Variants in LPP observed in about 807,000 individuals in gnomAD.
The protein encoded by LPP is LIM domain containing preferred translocation partner in lipoma, also known as lipoma-preferred partner.
A neutral mutation model predicts 60.4 loss-of-function variants in LPP; 38 were observed. The ratio of observed to expected loss-of-function variants is 0.63; its 90% CI spans 0.49 to 0.83. LPP has a LOEUF of 0.83. Ranked by LOEUF, LPP falls within the 40% of genes least tolerant of loss-of-function variation. The probability of loss-of-function intolerance (pLI) is 0.00; values close to 1 mark genes in which losing one functional copy is unlikely to be tolerated. For missense variants in LPP, 902 were observed against 783.6 expected (o/e 1.15, Z -1.80); for synonymous variants, 328 against 290.8 (o/e 1.13, Z -1.30).
intron 4 of LPP, among the ~76,000 whole-genome samples, chr3:188,422,690 T>C (rs1788119081): frequency 1.3e-5 from 2 of 152,164 alleles, no homozygotes; most frequent in Non-Finnish European, 2.9e-5. Context: ...CAGAGCTACA[T>C]AGTGTAACGA....
At position 188,447,603 on chromosome 3, in the gene LPP, G is replaced by GTC. The variant is rs1795534637; in HGVS notation, c.194-36989_194-36988insTC. On this transcript the variant is annotated intron_variant, in intron 4 of 11. Coordinates refer to ENST00000617246, the MANE Select transcript of LPP (RefSeq NM_001375462.1). Reference sequence around the variant, plus strand: ...CCAGCCTGGGCGACAGAGTGAGACTGCCTCAAAAAAAAAAAAAAAAAAAAA... The same window carrying GTC: ...CCAGCCTGGGCGACAGAGTGAGACTGTCCCTCAAAAAAAAAAAAAAAAAAAAA... 7.5e-5 allele frequency among the ~76,000 whole-genome samples: 5 copies of GTC among 66,562 alleles called. 1 individual carries two copies. The allele number at this position is 66,562 out of a possible 152,430, so 43.7% of individuals were successfully genotyped here.
rs1464642794 is a variant in LPP at position 188,225,461 on chromosome 3, C to T, written c.-133C>T. Reference sequence around the variant, plus strand: ...AAGACAGAACCTGGTCTTCTGATTCCCTGTGTTCTGCTTTTTTCATTGTTC... The same window carrying T: ...AAGACAGAACCTGGTCTTCTGATTCTCTGTGTTCTGCTTTTTTCATTGTTC... On this transcript the variant is annotated 5_prime_UTR_variant, in exon 2 of 12. Coordinates refer to ENST00000617246, the MANE Select transcript of LPP (RefSeq NM_001375462.1). The T allele has an allele frequency of 6.6e-6, 1 of 152,130 alleles. No homozygotes were observed. Among genetic ancestry groups the T allele is most frequent in the African/African-American group, 2.4e-5 (1 of 41,422 alleles). The allele number at this position is 152,130 out of a possible 1,614,324, so 9.4% of individuals were successfully genotyped here.
intron 9 of LPP, among the ~76,000 whole-genome samples, chr3:188,785,692 C>T (rs200992307): frequency 2.0e-5 from 3 of 151,298 alleles, no homozygotes; most frequent in Admixed American, 1.3e-4. Context: ...GTATCTTTTT[C>T]GTATGACTTC....
chr3:188,840,669 C>A (rs1236573655), intron 9 of LPP, among the ~76,000 whole-genome samples: 1 of 152,058 alleles, frequency 6.6e-6, no homozygotes, highest in Non-Finnish European at 1.5e-5. Flanking sequence ...TGACTAATTT[C>A]TTTTTAATTT....
chr3:188,781,434 C>G lies in LPP; in HGVS notation c.1410+21152C>G, dbSNP rs534684716. 9.2e-5 allele frequency among the ~76,000 whole-genome samples: 14 copies of G among 152,196 alleles called. No homozygotes were observed. The South Asian group carries it at 2.5e-3, about 27-fold the overall frequency. On this transcript the variant is annotated intron_variant, in intron 9 of 11. Coordinates refer to ENST00000617246, the MANE Select transcript of LPP (RefSeq NM_001375462.1). Reference sequence around the variant, plus strand: ...CACTGTGAGGAAGAAATACCTGATACTGGGCAATTATAAAGAAAAGAGGTT... The same window carrying G: ...CACTGTGAGGAAGAAATACCTGATAGTGGGCAATTATAAAGAAAAGAGGTT...
chr3:188,361,550 T>TCCTCTCCTCTCCTCC, intron 3 of LPP, among the ~76,000 whole-genome samples: 1 of 75,988 alleles, frequency 1.3e-5, no homozygotes, highest in Non-Finnish European at 2.8e-5. Context: ...TCCTCCCCTC[T>TCCTCTCCTCTCCTCC]CCTCTCCTCT....
Position 188,884,303 on chromosome 3 carries a change from G to A in LPP, c.*9824G>A, listed in dbSNP as rs1770408801. On this transcript the variant is annotated 3_prime_UTR_variant, in exon 12 of 12. Transcript: ENST00000617246. ...TCCAGTGCTGTCTCCAAGTAGCCAC[G>A]CTCACAGCTGAGAACACCTTAGAGG... is the stretch of plus-strand genomic sequence containing the variant. 2 of 230,358 alleles carry A rather than the reference G, an allele frequency of 8.7e-6. No homozygotes were observed. The highest frequency in any genetic ancestry group is 1.2e-4 in the East Asian group (2 of 16,210). The allele number at this position is 230,358 out of a possible 1,614,324, so 14.3% of individuals were successfully genotyped here. A position where few individuals can be genotyped will look rare whatever the true frequency, so the allele number is the denominator to read the frequency against.
intron 3 of LPP, among the ~76,000 whole-genome samples, chr3:188,403,941 A>G (rs182590726): frequency 6.6e-6 from 1 of 152,180 alleles, no homozygotes; most frequent in Non-Finnish European, 1.5e-5. Flanking sequence ...GGGGAAAGAA[A>G]AAGAAAAGAA....
chr3:188,651,525 G>A (rs752729796), intron 7 of LPP, among the ~76,000 whole-genome samples: 2 of 152,132 alleles, frequency 1.3e-5, no homozygotes, highest in Non-Finnish European at 2.9e-5. Context: ...CCGTTTTCAC[G>A]CTGCTGATAA....
intron 7 of LPP, among the ~76,000 whole-genome samples, chr3:188,637,361 A>T (rs1252909038): frequency 6.6e-6 from 1 of 152,260 alleles, no homozygotes; most frequent in South Asian, 2.1e-4. Flanking sequence ...CGCATTCAAA[A>T]CAGTGTGTAG....
At chr3:188,295,136 G>A (rs1048811639) in intron 2 of LPP, among the ~76,000 whole-genome samples, 15 of 152,176 alleles carry the variant, frequency 9.9e-5, no homozygotes, top group African/African-American at 3.1e-4. Flanking sequence ...TGAACGGTTC[G>A]TACACAAACA....
chr3:188,706,813 C>T (rs1000232527), intron 7 of LPP, among the ~76,000 whole-genome samples: 1 of 152,164 alleles, frequency 6.6e-6, no homozygotes, highest in Non-Finnish European at 1.5e-5. Flanking sequence ...TTTAACAATG[C>T]ATAAATATCA....
At chr3:188,714,723 C>A (rs937806979) in intron 8 of LPP, among the ~76,000 whole-genome samples, 4 of 152,044 alleles carry the variant, frequency 2.6e-5, no homozygotes, top group African/African-American at 7.2e-5. Context: ...CATGATAAAG[C>A]AGTTGGATGA....
Position 188,545,130 on chromosome 3 carries a change from G to A in LPP, c.429+20343G>A, listed in dbSNP as rs1473689272. Reference sequence around the variant, plus strand: ...GGGGTCGGGGGAGGGGGGAGGGATAGCATTGGGAGATATACCTAATGCTAG... The same window carrying A: ...GGGGTCGGGGGAGGGGGGAGGGATAACATTGGGAGATATACCTAATGCTAG... On this transcript the variant is annotated intron_variant, in intron 6 of 11. Transcript: ENST00000617246. Among the ~76,000 whole-genome samples the A allele has an allele frequency of 7.1e-5, 8 of 113,266 alleles. No individual in the cohort carries two copies. In the East Asian group the frequency reaches 1.9e-3, roughly 26 times the overall value. 74.3% of individuals were successfully genotyped at this position (113,266 alleles called of 152,430 possible). A position where few individuals can be genotyped will look rare whatever the true frequency, so the allele number is the denominator to read the frequency against.
chr3:188,386,758 G>T (rs978592050), intron 3 of LPP, among the ~76,000 whole-genome samples: 1 of 152,120 alleles, frequency 6.6e-6, no homozygotes, highest in Non-Finnish European at 1.5e-5. Context: ...CCATTATTCT[G>T]TTCAATAGCC....
chr3:188,569,218 C>A (rs1357274492), intron 6 of LPP: 2 of 151,746 alleles, frequency 1.3e-5, no homozygotes, highest in Admixed American at 6.6e-5. Context: ...CAATTGGATT[C>A]GGTGCAATGC....
intron 8 of LPP, chr3:188,710,134 T>A (rs1184631276): frequency 6.6e-6 from 1 of 152,234 alleles, no homozygotes; most frequent in East Asian, 1.9e-4. Context: ...TCTATTTTCA[T>A]GTCTTTTTTG....
intron 7 of LPP, among the ~76,000 whole-genome samples, chr3:188,622,523 G>T (rs1453799232): frequency 6.6e-6 from 1 of 152,104 alleles, no homozygotes; most frequent in Non-Finnish European, 1.5e-5. Context: ...GAGGAAATAT[G>T]TGGTTTTTGT....
intron 9 of LPP, among the ~76,000 whole-genome samples, chr3:188,839,093 T>G (rs887923829): frequency 6.6e-6 from 1 of 152,158 alleles, no homozygotes; most frequent in African/African-American, 2.4e-5. Flanking sequence ...TTCACACTTC[T>G]TACCACCTGA....
Sources: gnomAD v4.1 joint callset for allele counts (sites outside exome capture counted in the v4.1 genomes callset) on GRCh38, gnomAD v4.1.1 for gene constraint, MANE v1.5 for transcripts, NCBI Gene and HGNC (gene_info 2026-07-23, HGNC 2026-07-21) for gene names.